PRKAR1A: variants seen among roughly 807,000 people sequenced by gnomAD.
PRKAR1A encodes the protein protein kinase cAMP-dependent type I regulatory subunit alpha, also known as cAMP-dependent protein kinase type I-alpha regulatory subunit.
A neutral mutation model predicts 52.0 loss-of-function variants in PRKAR1A; 3 were observed. That is an observed-to-expected ratio of 0.06 (90% confidence interval 0.03 to 0.15). The LOEUF (loss-of-function observed/expected upper bound fraction) is 0.15, where lower values mean the gene tolerates loss of function less well. Among genes scored for constraint, PRKAR1A ranks in the 10% least tolerant of loss-of-function variants. The pLI is 1.00. For missense variants in PRKAR1A, 240 were observed against 477.4 expected (o/e 0.50, Z 4.63); for synonymous variants, 188 against 168.4 (o/e 1.12, Z -0.90).
chr17:68,483,936 A>G, the PRKAR1A span, among the ~76,000 whole-genome samples: 1 of 152,102 alleles, frequency 6.6e-6, no homozygotes, highest in Non-Finnish European at 1.5e-5. Context: ...GACTCTGTTC[A>G]GTTCATTGAT....
the PRKAR1A span, among the ~76,000 whole-genome samples, chr17:68,439,859 T>C: frequency 6.6e-6 from 1 of 152,204 alleles, no homozygotes; most frequent in Non-Finnish European, 1.5e-5. Context: ...CAAGCCTTCG[T>C]TTCTTACTTC....
chr17:68,494,141 C>T, the PRKAR1A span, among the ~76,000 whole-genome samples: 3 of 152,158 alleles, frequency 2.0e-5, no homozygotes, highest in African/African-American at 2.4e-5. Context: ...GTTCTAGTTG[C>T]GGCACATTAA....
chr17:68,541,936 C>G (rs2086315574), intron 11 of PRKAR1A: 1 of 1,580,922 alleles, frequency 6.3e-7, no homozygotes, highest in Non-Finnish European at 8.6e-7. Context: ...GGTACAGGGT[C>G]TGTGGCTACT....
intron 2 of PRKAR1A, among the ~76,000 whole-genome samples, chr17:68,522,290 C>G (rs1026582172): frequency 7.9e-5 from 12 of 152,296 alleles, no homozygotes; most frequent in African/African-American, 2.2e-4. Flanking sequence ...ACTCAGTAAT[C>G]TAGACATTCT....
chr17:68,450,854 G>T, the PRKAR1A span: 1 of 1,614,100 alleles, frequency 6.2e-7, no homozygotes, highest in Non-Finnish European at 8.5e-7. Flanking sequence ...CCACCAGGCT[G>T]CTGGAGAAGA....
chr17:68,414,370 G>C, the PRKAR1A span, among the ~76,000 whole-genome samples: 1 of 152,136 alleles, frequency 6.6e-6, no homozygotes, highest in Admixed American at 6.5e-5. Flanking sequence ...TGCATCCCTG[G>C]TATGAAACCC....
intron 11 of PRKAR1A, among the ~76,000 whole-genome samples, chr17:68,542,350 C>T (rs948230073): frequency 6.6e-6 from 1 of 152,194 alleles, no homozygotes; most frequent in Admixed American, 6.5e-5. Flanking sequence ...AGCTGAACCT[C>T]CTGGGAACCT....
At chr17:68,549,258 G>A (rs781093642) in intron 11 of PRKAR1A, among the ~76,000 whole-genome samples, 9 of 152,160 alleles carry the variant, frequency 5.9e-5, no homozygotes, top group Non-Finnish European at 1.2e-4. Context: ...ACATTGGGAG[G>A]CCAAGACAGG....
the PRKAR1A span, among the ~76,000 whole-genome samples, chr17:68,489,389 A>G: frequency 2.0e-3 from 56 of 28,120 alleles, 2 homozygotes; most frequent in African/African-American, 8.0e-3. Context: ...GAAAGTATAT[A>G]TATATATGGA....
the PRKAR1A span, among the ~76,000 whole-genome samples, chr17:68,480,217 A>C: frequency 2.0e-5 from 3 of 152,240 alleles, no homozygotes; most frequent in East Asian, 5.8e-4. Context: ...TTATGTAAAC[A>C]TACTTGATTG....
At chr17:68,457,629 G>T in the PRKAR1A span, 11 of 338,180 alleles carry the variant, frequency 3.3e-5, no homozygotes, top group Non-Finnish European at 4.9e-5. Flanking sequence ...GCCCCTTCTC[G>T]CCCCTCCAGC....
At chr17:68,427,156 A>T in the PRKAR1A span, 16 of 1,613,954 alleles carry the variant, frequency 9.9e-6, no homozygotes, top group Non-Finnish European at 1.4e-5. Context: ...GAGGCTGAAG[A>T]TGCACTTGGT....
the PRKAR1A span, chr17:68,420,180 C>G: frequency 6.2e-7 from 1 of 1,612,770 alleles, no homozygotes; most frequent in Non-Finnish European, 8.5e-7. Flanking sequence ...GTTGTCATTC[C>G]CTCTCTAGGT....
chr17:68,519,150 C>G (rs1484927345), intron 2 of PRKAR1A, among the ~76,000 whole-genome samples: 1 of 152,178 alleles, frequency 6.6e-6, no homozygotes, highest in Non-Finnish European at 1.5e-5. Flanking sequence ...TCCTGTTACC[C>G]AGTTCCAAAG....
intron 2 of PRKAR1A, chr17:68,515,833 C>T (rs531085299): frequency 7.2e-5 from 35 of 485,200 alleles, no homozygotes; most frequent in Non-Finnish European, 1.1e-4. Flanking sequence ...TTCTTTGTAA[C>T]TTTTTAAATT....
At chr17:68,429,975 A>G in the PRKAR1A span, 1 of 1,613,814 alleles carries the variant, frequency 6.2e-7, no homozygotes, top group Non-Finnish European at 8.5e-7. Flanking sequence ...TCTTGTTCAG[A>G]GTGGGTGTCA....
chr17:68,537,791 A>T (rs1472282359), downstream of PRKAR1A: 2 of 1,559,940 alleles, frequency 1.3e-6, no homozygotes, highest in African/African-American at 2.7e-5. The surrounding 1 kb of genome is among the most constrained non-coding windows in gnomAD (Gnocchi z 4.2). Context: ...AAAGAAAATA[A>T]CTTGCCTGAA....
the PRKAR1A span, among the ~76,000 whole-genome samples, chr17:68,478,430 G>A: frequency 6.6e-6 from 1 of 152,142 alleles, no homozygotes; most frequent in African/African-American, 2.4e-5. Flanking sequence ...TCAGCCTGGC[G>A]ACAGAGTGAG....
the PRKAR1A span, chr17:68,427,016 G>A: frequency 8.1e-4 from 654 of 802,966 alleles, 7 homozygotes; most frequent in African/African-American, 0.011. Context: ...AGGGGGAAGG[G>A]GAGGGAGGGC....
Sources: gnomAD v4.1 joint callset for allele counts (sites outside exome capture counted in the v4.1 genomes callset) on GRCh38, gnomAD v4.1.1 for gene constraint, Gnocchi (gnomAD v3.1) non-coding constraint, MANE v1.5 for transcripts, NCBI Gene and HGNC (gene_info 2026-07-23, HGNC 2026-07-21) for gene names.